GRIP1: variants seen among roughly 807,000 people sequenced by gnomAD.
GRIP1 encodes the protein glutamate receptor-interacting protein 1.
Under a neutral mutation model 129.9 loss-of-function variants are expected in GRIP1, and 45 were observed. The observed-to-expected ratio is 0.35, with a 90% CI of 0.27 to 0.44. The LOEUF (loss-of-function observed/expected upper bound fraction) is 0.44, where lower values mean the gene tolerates loss of function less well. Ranked by LOEUF, GRIP1 falls within the 20% of genes least tolerant of loss-of-function variation. The pLI, the probability that GRIP1 is intolerant of heterozygous loss-of-function variation, is 1.00. For synonymous variants in GRIP1, 530 were observed against 520.8 expected (o/e 1.02, Z -0.24); for missense variants, 1,196 against 1,396.8 (o/e 0.86, Z 2.29).
chr12:66,704,215 A>C (rs2035450876), intron 1 of GRIP1, among the ~76,000 whole-genome samples: 1 of 152,086 alleles, frequency 6.6e-6, no homozygotes. Context: ...AAAGAACATA[A>C]AATATCTAGA....
chr12:66,819,757 C>T lies in GRIP1; in HGVS notation c.59-222830G>A, dbSNP rs181794819. 3.3e-5 allele frequency among the ~76,000 whole-genome samples: 5 copies of T among 152,262 alleles called. No individual in the cohort carries two copies. The East Asian group carries it at 9.7e-4, about 29-fold the overall frequency. On this transcript the variant is annotated intron_variant, in intron 1 of 1. Coordinates refer to the GRIP1 transcript ENST00000643019. ...ATCCTAATAACAAGTGAAAGGCTAA[C>T]AAACTGAATCAACAACTCTTCTTGA...
Position 66,374,281 on chromosome 12 carries a change from G to A in GRIP1, c.2779-2354C>T, listed in dbSNP as rs137923745. ...TGGCTCACTGCAACCTCCACCTCCC[G>A]GGTTCAAGCGATTCTCTTGCCTCAG... On this transcript the variant is annotated intron_variant, in intron 22 of 24. Coordinates refer to ENST00000359742, the MANE Select transcript of GRIP1 (RefSeq NM_001366722.1). 1.1e-4 allele frequency among the ~76,000 whole-genome samples: 16 copies of A among 152,122 alleles called. No individual in the cohort carries two copies. The East Asian group carries it at 1.7e-3, about 17-fold the overall frequency.
chr12:66,718,152 C>T (rs2035949639), intron 1 of GRIP1, among the ~76,000 whole-genome samples: 1 of 152,128 alleles, frequency 6.6e-6, no homozygotes, highest in East Asian at 1.9e-4. Context: ...GTCACTCCTC[C>T]CCGGCTGCAA....
At chr12:66,650,508 G>A (rs2032715919) in intron 1 of GRIP1, among the ~76,000 whole-genome samples, 1 of 152,162 alleles carries the variant, frequency 6.6e-6, no homozygotes, top group African/African-American at 2.4e-5. Flanking sequence ...AGTAAGATGA[G>A]TTGCATAGCT....
At chr12:66,765,828 A>G (rs7134709) in intron 1 of GRIP1, among the ~76,000 whole-genome samples, 98,256 of 152,082 alleles carry the variant, frequency 0.65, 31,894 homozygotes, top group Middle Eastern at 0.79. Context: ...AATATACACT[A>G]GATTTGGAGG....
chr12:66,731,074 T>C (rs2036422743), intron 1 of GRIP1, among the ~76,000 whole-genome samples: 1 of 152,164 alleles, frequency 6.6e-6, no homozygotes, highest in South Asian at 2.1e-4. Context: ...CCCATGAAGT[T>C]TTCTAGACAC....
At chr12:66,827,385 T>TGAGAGAGAGAGA (rs1349679049) in intron 1 of GRIP1, among the ~76,000 whole-genome samples, 1 of 71,496 alleles carries the variant, frequency 1.4e-5, no homozygotes, top group Non-Finnish European at 3.3e-5. Flanking sequence ...TGTGTGTGTG[T>TGAGAGAGAGAGA]GTGAGAGAGA....
At chr12:67,065,096 G>T (rs1418465421) in intron 1 of GRIP1, 1 of 151,640 alleles carries the variant, frequency 6.6e-6, no homozygotes, top group African/African-American at 2.4e-5. Context: ...CATTTTTTAT[G>T]GCTGCATAGT....
intron 1 of GRIP1, among the ~76,000 whole-genome samples, chr12:66,622,428 G>C (rs2065313265): frequency 6.6e-6 from 1 of 151,854 alleles, no homozygotes; most frequent in Non-Finnish European, 1.5e-5. Context: ...AAATATATTT[G>C]GATTGTTTGC....
chr12:66,632,800 G>A (rs1029765939), intron 1 of GRIP1, among the ~76,000 whole-genome samples: 5 of 152,114 alleles, frequency 3.3e-5, no homozygotes, highest in African/African-American at 1.2e-4. Context: ...TAAAACCACT[G>A]CTTAAGAAAA....
upstream of GRIP1, among the ~76,000 whole-genome samples, chr12:66,682,641 T>C (rs1021057286): frequency 8.5e-5 from 13 of 152,160 alleles, no homozygotes; most frequent in African/African-American, 3.1e-4. Flanking sequence ...TTCATTCTTT[T>C]ATATAACATC....
chr12:66,598,002 G>A (rs2064121130), intron 1 of GRIP1, among the ~76,000 whole-genome samples: 1 of 152,062 alleles, frequency 6.6e-6, no homozygotes, highest in African/African-American at 2.4e-5. Context: ...TAATCTAAAT[G>A]TCACTGCTGG....
At chr12:66,497,976 TTCCTGGCTCA>T (rs1482307435) in intron 7 of GRIP1, among the ~76,000 whole-genome samples, 198 of 152,248 alleles carry the variant, frequency 1.3e-3, no homozygotes, top group African/African-American at 4.6e-3. Context: ...GAAAGTCCTT[TTCCTGGCTCA>T]TCCTGGCTCA....
chr12:66,700,948 G>C (rs1430561537), intron 1 of GRIP1, among the ~76,000 whole-genome samples: 1 of 152,094 alleles, frequency 6.6e-6, no homozygotes, highest in African/African-American at 2.4e-5. Context: ...CTATGTGCTT[G>C]ACCTACATGT....
At chr12:66,354,686 C>CAAAACAAAAACA (rs757473924) in intron 23 of GRIP1, among the ~76,000 whole-genome samples, 54 of 152,066 alleles carry the variant, frequency 3.6e-4, no homozygotes, top group Non-Finnish European at 5.9e-4. Flanking sequence ...GTAAAATAGT[C>CAAAACAAAAACA]AAAACAAAAA....
intron 1 of GRIP1, among the ~76,000 whole-genome samples, chr12:66,932,602 A>T (rs2041416472): frequency 7.2e-6 from 1 of 138,754 alleles, no homozygotes; most frequent in Admixed American, 7.0e-5. Context: ...GGATTATTTA[A>T]AAAAAAAAAA....
intron 1 of GRIP1, among the ~76,000 whole-genome samples, chr12:66,727,700 C>A (rs2036299307): frequency 6.6e-6 from 1 of 152,060 alleles, no homozygotes; most frequent in Non-Finnish European, 1.5e-5. Flanking sequence ...ATTCTTCATT[C>A]TTTAAACACA....
At chr12:66,904,004 G>A (rs10878522) in intron 1 of GRIP1, among the ~76,000 whole-genome samples, 39,508 of 152,096 alleles carry the variant, frequency 0.26, 5,543 homozygotes, top group East Asian at 0.45. Flanking sequence ...AGGATACTGG[G>A]TATTTCTTCA....
At chr12:66,616,695 G>A (rs1479445172) in intron 1 of GRIP1, among the ~76,000 whole-genome samples, 1 of 152,106 alleles carries the variant, frequency 6.6e-6, no homozygotes, top group Admixed American at 6.6e-5. Context: ...AAAGGTGAGG[G>A]AGGGACAGAA....
Sources: gnomAD v4.1 joint callset for allele counts (sites outside exome capture counted in the v4.1 genomes callset) on GRCh38, gnomAD v4.1.1 for gene constraint, MANE v1.5 for transcripts, NCBI Gene and HGNC (gene_info 2026-07-23, HGNC 2026-07-21) for gene names.